Variants in STK4 observed in about 807,000 individuals in gnomAD.
STK4 encodes serine/threonine kinase 4.
A neutral mutation model predicts 64.9 loss-of-function variants in STK4; 30 were observed. That is an observed-to-expected ratio of 0.46 (90% confidence interval 0.35 to 0.63). STK4 has a LOEUF of 0.63. Ranked by LOEUF, STK4 falls within the 20% of genes least tolerant of loss-of-function variation. The pLI is 0.01. For missense variants in STK4, 466 were observed against 598.5 expected, an observed-to-expected ratio of 0.78 and a Z score of 2.31; for synonymous variants, 177 against 199.0, an observed-to-expected ratio of 0.89 and a Z score of 0.93.
chr20:44,982,047 G>C (rs903208947), intron 4 of STK4, 104 bp downstream of exon 4: 21 of 611,910 alleles, frequency 3.4e-5, no homozygotes, highest in Non-Finnish European at 5.7e-5. Flanking sequence ...ACGACTGTCA[G>C]ATTTCCCCTT....
intron 1 of STK4, 35 bp downstream of exon 1, chr20:44,966,638 G>T: frequency 4.0e-6 from 5 of 1,264,500 alleles, no homozygotes; most frequent in Non-Finnish European, 5.0e-6. Flanking sequence ...CGGGCATGGG[G>T]TCAGGGGAAG....
intron 9 of STK4, among the ~76,000 whole-genome samples, chr20:45,011,708 C>CATATATATATAT (rs749788988): frequency 1.2e-4 from 10 of 86,882 alleles, no homozygotes; most frequent in African/African-American, 5.0e-4. Flanking sequence ...GTAGAACATA[C>CATATATATATAT]ATATATATAT....
At chr20:45,010,356 C>T (rs1355517095) in intron 9 of STK4, among the ~76,000 whole-genome samples, 10 of 152,120 alleles carry the variant, frequency 6.6e-5, no homozygotes, top group African/African-American at 1.7e-4. Flanking sequence ...TGAGCCACCG[C>T]GCCCGGCCTC....
At position 45,076,764 on chromosome 20, in the gene STK4, C is replaced by T. The variant is rs1484670012; in HGVS notation, c.*1588C>T. The T allele has an allele frequency of 6.6e-6, 1 of 152,236 alleles. No homozygotes were observed. Among genetic ancestry groups the T allele is most frequent in the African/African-American group, 2.4e-5 (1 of 41,456 alleles). 9.4% of individuals were successfully genotyped at this position (152,236 alleles called of 1,614,324 possible). ...TGCACCTCAGGATACTGTAATTTGA[C>T]TCCATAATTGCTTTTGCTCCTGAAA... On this transcript the variant is annotated 3_prime_UTR_variant, in exon 11 of 11. Transcript: ENST00000372806. The surrounding 1 kb of genome is among the most constrained non-coding windows in gnomAD (Gnocchi z 4.0).
chr20:44,981,835 T>C lies in STK4; in HGVS notation c.252T>C (p.His84=). The C allele has an allele frequency of 6.2e-7, 1 of 1,602,394 alleles. No homozygotes were observed. Among genetic ancestry groups the C allele is most frequent in the Non-Finnish European group, 8.6e-7 (1 of 1,169,450 alleles). The change falls in exon 4 of 11, where the codon CAT becomes CAC. Residue 84 remains histidine (H), a synonymous_variant. Coordinates refer to ENST00000372806, the MANE Select transcript of STK4 (RefSeq NM_006282.5). ...ATTGTCTCTCTCTCTCTAGCCCTCA[T>C]GTAGTCAAATATTATGGCAGTTATT... ...ISIMQQCDSP[H]VVKYYGSYFK... is the part of the protein sequence containing the mutation.
At chr20:45,006,289 A>T (rs1352257700) in intron 9 of STK4, among the ~76,000 whole-genome samples, 3 of 147,686 alleles carry the variant, frequency 2.0e-5, no homozygotes, top group Non-Finnish European at 3.0e-5. Flanking sequence ...ATTCCCAGAA[A>T]TGTGGTCTTG....
At chr20:45,065,141 G>GT (rs71339818) in intron 10 of STK4, among the ~76,000 whole-genome samples, 38,364 of 146,332 alleles carry the variant, frequency 0.26, 5,450 homozygotes, top group Middle Eastern at 0.43. Context: ...GTTTGTTGAG[G>GT]TTTTTTTTTT....
intron 10 of STK4, among the ~76,000 whole-genome samples, chr20:45,042,521 A>G (rs2068629670): frequency 6.6e-6 from 1 of 152,172 alleles, no homozygotes; most frequent in African/African-American, 2.4e-5. Context: ...CAACAGGACC[A>G]CTTTTACCTA....
chr20:45,052,189 A>G (rs1600541520), intron 10 of STK4, among the ~76,000 whole-genome samples: 1 of 152,170 alleles, frequency 6.6e-6, no homozygotes, highest in Admixed American at 6.5e-5. Context: ...TATTTTGTTA[A>G]CCTTCTAGTT....
rs1980402138 is a variant in STK4 at position 45,075,053 on chromosome 20, G to C, written c.1341G>C (p.Arg447Ser). ...KSWTVEDLQK[R>S]LLALDPMMEQ... Reference sequence around the variant, plus strand: ...GGACAGTGGAGGACCTTCAGAAGAGGCTCTTGGCCCTGGACCCCATGATGG... The same window carrying C: ...GGACAGTGGAGGACCTTCAGAAGAGCCTCTTGGCCCTGGACCCCATGATGG... The change falls in exon 11 of 11, where the codon AGG (arginine) becomes AGC (serine). Residue 447 changes from arginine to serine, a missense_variant. Physicochemically the swap from Arg to Ser is moderately radical, Grantham distance 110. Around this residue, in one of 2 missense-constraint regions of STK4, gnomAD observed 276 missense variants for 308.9 expected, o/e 0.89. Coordinates refer to ENST00000372806, the MANE Select transcript of STK4 (RefSeq NM_006282.5). 1 of 1,614,044 alleles carries C rather than the reference G, an allele frequency of 6.2e-7. No individual in the cohort carries two copies. Among genetic ancestry groups the C allele is most frequent in the Non-Finnish European group, 8.5e-7 (1 of 1,180,030 alleles).
intron 2 of STK4, chr20:44,974,282 C>G (rs990189497): frequency 6.6e-6 from 1 of 152,054 alleles, no homozygotes; most frequent in African/African-American, 2.4e-5. Context: ...AAGATATCAC[C>G]AGGGAGAAAA....
chr20:45,008,261 T>C (rs1601255169), intron 9 of STK4, among the ~76,000 whole-genome samples: 1 of 152,072 alleles, frequency 6.6e-6, no homozygotes, highest in Admixed American at 6.5e-5. Context: ...CACCATGTCG[T>C]CCAGGCTGGT....
At chr20:45,006,524 A>T (rs1371925815) in intron 9 of STK4, among the ~76,000 whole-genome samples, 1 of 151,304 alleles carries the variant, frequency 6.6e-6, no homozygotes, top group Non-Finnish European at 1.5e-5. Flanking sequence ...TGTGTTTGTT[A>T]TCTCTCATAT....
At chr20:44,998,437 T>C (rs1008573224) in intron 7 of STK4, among the ~76,000 whole-genome samples, 1 of 152,222 alleles carries the variant, frequency 6.6e-6, no homozygotes, top group African/African-American at 2.4e-5. Context: ...GAAGACAGTA[T>C]GGTATGAACG....
intron 10 of STK4, among the ~76,000 whole-genome samples, chr20:45,063,072 T>C (rs1323231224): frequency 7.5e-6 from 1 of 133,952 alleles, no homozygotes; most frequent in Non-Finnish European, 1.5e-5. Flanking sequence ...GGTGTGATCA[T>C]GGCTCACTGC....
chr20:45,026,107 C>A (rs1018887948), intron 10 of STK4, among the ~76,000 whole-genome samples: 1 of 143,490 alleles, frequency 7.0e-6, no homozygotes, highest in African/African-American at 2.7e-5. Flanking sequence ...CCTGTTTGTT[C>A]ATTTACTTAC....
chr20:45,032,364 A>T (rs1329546311), intron 10 of STK4, among the ~76,000 whole-genome samples: 2 of 152,146 alleles, frequency 1.3e-5, no homozygotes, highest in African/African-American at 2.4e-5. Context: ...AGATTATTTC[A>T]TCACACAGGT....
chr20:45,043,418 G>A (rs550193135), intron 10 of STK4, among the ~76,000 whole-genome samples: 2 of 152,294 alleles, frequency 1.3e-5, no homozygotes, highest in African/African-American at 4.8e-5. Flanking sequence ...ATTGGAATCA[G>A]GCTTTCAGCG....
rs3044396 is a variant in STK4, at chr20:45,058,053, TCACACACACACACACA to T, written c.1306-16945_1306-16930del. ...AAACTTATATTTAGCAGTTTGAAGG[TCACACACACACACACA>T]CACACACACACACACACACCCCTAC... On this transcript the variant is annotated intron_variant, in intron 10 of 10. Transcript: ENST00000372806. 4.1e-5 allele frequency among the ~76,000 whole-genome samples: 6 copies of T among 148,128 alleles called. 1 individual carries two copies. In the South Asian group the frequency reaches 6.5e-4, roughly 16 times the overall value.
Sources: allele counts gnomAD v4.1 joint callset (sites outside exome capture counted in the v4.1 genomes callset), GRCh38; gene constraint gnomAD v4.1.1; regional missense constraint gnomAD v4.1.1; non-coding constraint Gnocchi (gnomAD v3.1); transcripts MANE v1.5; gene names NCBI Gene and HGNC (gene_info 2026-07-23, HGNC 2026-07-21).